The following ANK3 variants were observed in gnomAD, a reference collection of about 807,000 sequenced individuals.
ANK3 encodes ankyrin 3.
Under a neutral mutation model 370.9 loss-of-function variants are expected in ANK3, and 57 were observed. The ratio of observed to expected loss-of-function variants is 0.15; its 90% CI spans 0.12 to 0.19. The LOEUF (loss-of-function observed/expected upper bound fraction) is 0.19. Among genes scored for constraint, ANK3 ranks in the 10% least tolerant of loss-of-function variants. ANK3 has a pLI of 1.00. For synonymous variants in ANK3, 1,929 were observed against 1,946.3 expected, an observed-to-expected ratio of 0.99 and a Z score of 0.23; for missense variants, 4,439 against 5,302.1, an observed-to-expected ratio of 0.84 and a Z score of 5.06.
At chr10:60,665,246 T>A (rs1166250546) in intron 1 of ANK3, among the ~76,000 whole-genome samples, 1 of 152,164 alleles carries the variant, frequency 6.6e-6, no homozygotes, top group African/African-American at 2.4e-5. Context: ...TAAAGAAATA[T>A]ACAAGGGTAA....
Position 60,399,674 on chromosome 10 carries a change from C to T in ANK3, c.97-120035G>A, listed in dbSNP as rs188622847. 2.8e-4 allele frequency among the ~76,000 whole-genome samples: 43 copies of T among 152,246 alleles called. No homozygotes were observed. In the East Asian group the frequency reaches 7.7e-3, roughly 27 times the overall value. On this transcript the variant is annotated intron_variant, in intron 2 of 43. Coordinates refer to the ANK3 transcript ENST00000373827. ...TGGACTGAATCTGCCCCAGTGCTTC[C>T]GCCGGCACAAGAAAGCTTGCACTAA...
intron 1 of ANK3, among the ~76,000 whole-genome samples, chr10:60,625,665 CTTA>C (rs1249685334): frequency 6.6e-6 from 1 of 152,116 alleles, no homozygotes; most frequent in Non-Finnish European, 1.5e-5. Flanking sequence ...TTATTTCTGG[CTTA>C]TTAATATCTA....
chr10:60,320,243 C>T (rs2048334476), intron 1 of ANK3, among the ~76,000 whole-genome samples: 1 of 152,158 alleles, frequency 6.6e-6, no homozygotes, highest in African/African-American at 2.4e-5. Flanking sequence ...CATAGAAATG[C>T]AAGGCTGGAT....
chr10:60,454,600 A>G (rs2064698269), intron 2 of ANK3, among the ~76,000 whole-genome samples: 1 of 152,182 alleles, frequency 6.6e-6, no homozygotes, highest in South Asian at 2.1e-4. Flanking sequence ...AAGCACCAGG[A>G]CAAAAATAGG....
chr10:60,641,705 C>G (rs1385049158), intron 1 of ANK3, among the ~76,000 whole-genome samples: 1 of 152,106 alleles, frequency 6.6e-6, no homozygotes, highest in Non-Finnish European at 1.5e-5. Flanking sequence ...CATTACCATT[C>G]AAGACATAGG....
chr10:60,251,900 G>A (rs2097672711), intron 7 of ANK3, among the ~76,000 whole-genome samples: 1 of 152,204 alleles, frequency 6.6e-6, no homozygotes, highest in South Asian at 2.1e-4. Context: ...CACCGGGCTG[G>A]ACTCTCATAA....
chr10:60,083,541 A>G lies in ANK3; in HGVS notation c.4151T>C (p.Val1384Ala), dbSNP rs2085825552. ...TTCTTTGAAAGAATAAAAGTTAAAA[A>G]CAAGTTGCTGTCCTCCTTTGGTAAG... is the stretch of plus-strand genomic sequence containing the variant. ...APLTKGGQQL[V>A]FNFYSFKENR... is the part of the protein sequence containing the mutation. The change falls in exon 33 of 44, where the codon GTT (valine) becomes GCT (alanine). Residue 1384 changes from valine to alanine, a missense_variant. This residue lies in a region of ANK3 where 702 missense variants were observed against 941.5 expected (regional missense o/e 0.75). Transcript: ENST00000280772. 1 of 1,612,112 alleles carries G rather than the reference A, an allele frequency of 6.2e-7. No homozygotes were observed.
chr10:60,488,559 C>T (rs2075409110), intron 2 of ANK3, among the ~76,000 whole-genome samples: 3 of 152,086 alleles, frequency 2.0e-5, no homozygotes, highest in African/African-American at 4.8e-5. Context: ...CTAGTAATCA[C>T]CCTGTTCTCC....
At chr10:60,085,473 A>T (rs1041289571) in intron 30 of ANK3, among the ~76,000 whole-genome samples, 1 of 152,226 alleles carries the variant, frequency 6.6e-6, no homozygotes, top group African/African-American at 2.4e-5. Context: ...TAAATTAAAA[A>T]AAAATTCCTT....
In ANK3 at chr10:60,029,598, T is replaced by A. The variant is rs2072804135; in HGVS notation, c.*248A>T. On this transcript the variant is annotated 3_prime_UTR_variant, in exon 44 of 44. Transcript: ENST00000280772. ...GCTTCTTGTATATACACTGCATTGC[T>A]AATTGCACACGCGCCAATCCGGAAA... 1 of 152,652 alleles carries A rather than the reference T, an allele frequency of 6.6e-6. No homozygotes were observed. Among genetic ancestry groups the A allele is most frequent in the South Asian group, 2.1e-4 (1 of 4,830 alleles). 9.5% of individuals were successfully genotyped at this position (152,652 alleles called of 1,614,324 possible). A position where few individuals can be genotyped will look rare whatever the true frequency, so the allele number is the denominator to read the frequency against.
chr10:60,380,386 G>A (rs2061402179), intron 1 of ANK3, among the ~76,000 whole-genome samples: 1 of 152,136 alleles, frequency 6.6e-6, no homozygotes, highest in Non-Finnish European at 1.5e-5. Context: ...TGACATAGAG[G>A]CAATTCCAGG....
intron 2 of ANK3, among the ~76,000 whole-genome samples, chr10:60,405,959 G>T (rs933534457): frequency 5.3e-5 from 8 of 152,054 alleles, no homozygotes; most frequent in Admixed American, 2.0e-4. Flanking sequence ...CCCTTTTTCA[G>T]TTTACATATA....
At chr10:60,300,700 A>G (rs891481026) in intron 1 of ANK3, among the ~76,000 whole-genome samples, 6 of 151,816 alleles carry the variant, frequency 4.0e-5, no homozygotes, top group African/African-American at 1.5e-4. Context: ...GCTTGGAATT[A>G]CTCATGAGAC....
At chr10:60,478,825 T>C (rs989007429) in intron 2 of ANK3, among the ~76,000 whole-genome samples, 1 of 152,126 alleles carries the variant, frequency 6.6e-6, no homozygotes, top group African/African-American at 2.4e-5. Flanking sequence ...AAACTTAATT[T>C]CCTCACATAA....
chr10:60,043,136 A>C, intron 42 of ANK3: 1 of 998,602 alleles, frequency 1.0e-6, no homozygotes. Context: ...GTTAAGTACT[A>C]ATCCATGGAA....
chr10:60,684,845 A>T (rs2079247044), intron 1 of ANK3: 1 of 1,499,528 alleles, frequency 6.7e-7, no homozygotes. Context: ...GCCAAAACTG[A>T]ACTTCACAAA....
At position 60,488,597 on chromosome 10, in the gene ANK3, A is replaced by G. The variant is rs143936502; in HGVS notation, c.96+126589T>C. 7.2e-5 allele frequency among the ~76,000 whole-genome samples: 11 copies of G among 152,250 alleles called. No homozygotes were observed. The East Asian group carries it at 1.9e-3, about 27-fold the overall frequency. On this transcript the variant is annotated intron_variant, in intron 2 of 43. Coordinates refer to the ANK3 transcript ENST00000373827. ...TTTCTCCCAGCCCATTCTCCCAACC[A>G]TGAACCTGCTTTCTGCCTCTACAGA... is the stretch of plus-strand genomic sequence containing the variant.
chr10:60,604,139 G>A (rs1211267612), intron 2 of ANK3, among the ~76,000 whole-genome samples: 1 of 152,116 alleles, frequency 6.6e-6, no homozygotes, highest in Non-Finnish European at 1.5e-5. Context: ...AGAGGACAAA[G>A]GCACGGTAGG....
intron 15 of ANK3, 120 bp downstream of exon 15, chr10:60,196,407 T>G: frequency 1.1e-6 from 1 of 917,536 alleles, no homozygotes; most frequent in East Asian, 2.6e-5. Flanking sequence ...CCAAGTGCTC[T>G]TCATCCTAGT....
Sources: allele counts gnomAD v4.1 joint callset (sites outside exome capture counted in the v4.1 genomes callset), GRCh38; gene constraint gnomAD v4.1.1; regional missense constraint gnomAD v4.1.1; transcripts MANE v1.5; gene names NCBI Gene and HGNC (gene_info 2026-07-23, HGNC 2026-07-21).